TDRD9: variants seen among roughly 807,000 people sequenced by gnomAD.
The protein encoded by TDRD9 is ATP-dependent RNA helicase TDRD9.
In TDRD9, 124 loss-of-function variants were observed where a neutral mutation model predicts 172.6. That is an observed-to-expected ratio of 0.72 (90% confidence interval 0.62 to 0.83). The LOEUF is 0.83. Among genes scored for constraint, TDRD9 ranks in the 40% least tolerant of loss-of-function variants. TDRD9 has a pLI of 0.00. For missense variants in TDRD9, 1,479 were observed against 1,714.1 expected, an observed-to-expected ratio of 0.86 and a Z score of 2.42; for synonymous variants, 619 against 617.1, an observed-to-expected ratio of 1.00 and a Z score of -0.05.
At chr14:103,940,739 A>G in intron 1 of TDRD9, 1 of 1,090,808 alleles carries the variant, frequency 9.2e-7, no homozygotes, top group Non-Finnish European at 1.3e-6. Flanking sequence ...AAGTCACATC[A>G]CTTTTTCTTA....
rs2033037502 is a variant in TDRD9, at chr14:103,971,637, C to T, written c.846+1016C>T. 1.3e-5 allele frequency among the ~76,000 whole-genome samples: 2 copies of T among 152,092 alleles called. 1 individual carries two copies. The highest frequency in any genetic ancestry group is 4.8e-5 in the African/African-American group (2 of 41,396). On this transcript the variant is annotated intron_variant, in intron 6 of 35. Transcript: ENST00000409874. ...TGTATTTTAACAGAAACATTTGAAA[C>T]TGATGACGCTTAAAATTCATGATCA...
chr14:104,037,025 G>A (rs1011411150), intron 32 of TDRD9, among the ~76,000 whole-genome samples: 1 of 151,966 alleles, frequency 6.6e-6, no homozygotes, highest in African/African-American at 2.4e-5. Context: ...TGTCTCTAAG[G>A]TTGGAGTTTT....
intron 6 of TDRD9, among the ~76,000 whole-genome samples, chr14:103,974,129 G>A (rs1299019508): frequency 1.3e-5 from 2 of 152,214 alleles, no homozygotes; most frequent in African/African-American, 4.8e-5. Context: ...TGAAGCCCAG[G>A]AGGCTGAGGT....
chr14:103,983,551 A>G (rs1305312341), intron 7 of TDRD9, among the ~76,000 whole-genome samples: 1 of 152,192 alleles, frequency 6.6e-6, no homozygotes, highest in Non-Finnish European at 1.5e-5. Context: ...ATTAATTAAA[A>G]AAGCTTCTTA....
chr14:104,004,782 C>T (rs1423834871), intron 14 of TDRD9, among the ~76,000 whole-genome samples: 7 of 152,186 alleles, frequency 4.6e-5, no homozygotes, highest in Non-Finnish European at 7.3e-5. Context: ...CTATTGATTA[C>T]ACATCAGGCT....
intron 12 of TDRD9, 126 bp downstream of exon 12, chr14:103,995,933 A>C: frequency 3.5e-6 from 3 of 847,012 alleles, no homozygotes; most frequent in Non-Finnish European, 3.5e-6. Flanking sequence ...CACAGAATTG[A>C]GAAAAGTAGG....
chr14:104,018,134 C>T lies in TDRD9; in HGVS notation c.2374C>T (p.Leu792=). Residue 792 remains leucine, a synonymous_variant, in exon 23 of 36, where the codon CTA becomes TTA. Coordinates refer to ENST00000409874, the MANE Select transcript of TDRD9 (RefSeq NM_153046.3). ...PPYGFLYYKQ[L]QSLFRQCGQV... Reference sequence around the variant, plus strand: ...CTATGGATTTCTTTACTATAAACAACTACAGTCTCTCTTTAGACAGTGTGG... The same window carrying T: ...CTATGGATTTCTTTACTATAAACAATTACAGTCTCTCTTTAGACAGTGTGG... 1.9e-6 allele frequency: 3 copies of T among 1,608,898 alleles called. No homozygotes were observed. The highest frequency in any genetic ancestry group is 2.5e-6 in the Non-Finnish European group (3 of 1,176,592).
At chr14:103,979,467 C>T (rs774873053) in intron 7 of TDRD9, among the ~76,000 whole-genome samples, 13 of 152,220 alleles carry the variant, frequency 8.5e-5, no homozygotes, top group Non-Finnish European at 1.8e-4. Flanking sequence ...GCAGAGATCA[C>T]ATGGTGAGAC....
rs545226682 is a variant in TDRD9, at chr14:104,002,854, C to T, written c.1484-1384C>T. Among the ~76,000 whole-genome samples, 6 of 152,000 alleles carry T rather than the reference C, an allele frequency of 3.9e-5. No individual in the cohort carries two copies. In the South Asian group the frequency reaches 1.2e-3, roughly 32 times the overall value. ...TCAAGCAGTTCTCTGCTTCAGCCTCCCAGGTAGCTGGGACTACAGGCGCGC... is the reference window on the plus strand; with the variant it reads ...TCAAGCAGTTCTCTGCTTCAGCCTCTCAGGTAGCTGGGACTACAGGCGCGC... On this transcript the variant is annotated intron_variant, in intron 13 of 35. Coordinates refer to ENST00000409874, the MANE Select transcript of TDRD9 (RefSeq NM_153046.3).
chr14:104,006,588 G>A (rs1453816196), intron 16 of TDRD9, 34 bp downstream of exon 16: 7 of 1,611,924 alleles, frequency 4.3e-6, no homozygotes, highest in Non-Finnish European at 5.9e-6. Context: ...CTAATGGGAA[G>A]TTTATATAAC....
chr14:103,970,415 C>G (rs917540533), intron 5 of TDRD9, 126 bp from the exon 6 acceptor site: 6 of 674,052 alleles, frequency 8.9e-6, no homozygotes, highest in Middle Eastern at 2.5e-4. Context: ...TACTAGCCCC[C>G]TGAGGAACTG....
intron 29 of TDRD9, 103 bp downstream of exon 29, chr14:104,031,366 G>A: frequency 1.0e-6 from 1 of 962,914 alleles, no homozygotes; most frequent in Non-Finnish European, 1.5e-6. Flanking sequence ...TTCTTTTCTG[G>A]CTTTTAATGC....
chr14:103,949,736 A>G (rs112403408), intron 1 of TDRD9, among the ~76,000 whole-genome samples: 3,482 of 152,190 alleles, frequency 0.023, 78 homozygotes, highest in East Asian at 0.071. Flanking sequence ...CTGGAGTGCC[A>G]TGGCAGGATC....
In TDRD9 at chr14:103,997,825, C is replaced by T. The variant is rs1036065765; in HGVS notation, c.1379-799C>T. Among the ~76,000 whole-genome samples the T allele has an allele frequency of 8.5e-5, 13 of 152,134 alleles. No individual in the cohort carries two copies. The highest frequency in any genetic ancestry group is 1.6e-4 in the Non-Finnish European group (11 of 68,012). The stretch of plus-strand genomic sequence containing the variant: ...TGGCGGGTCAAGGAGGACCTCCCAA[C>T]GGGGCTGTTGTCAGTGACCTTGACA... On this transcript the variant is annotated intron_variant, in intron 12 of 35. Coordinates refer to ENST00000409874, the MANE Select transcript of TDRD9 (RefSeq NM_153046.3). This position sits in a 1 kb window ranked among gnomAD's most constrained non-coding sequence, Gnocchi z 5.1.
In TDRD9 at chr14:103,980,407, A is replaced by AGAGAGAGAGAG. The variant is rs954023390; in HGVS notation, c.1011+4867_1011+4877dup. Among the ~76,000 whole-genome samples, 8 of 151,798 alleles carry AGAGAGAGAGAG rather than the reference A, an allele frequency of 5.3e-5. No individual in the cohort carries two copies. The highest frequency in any genetic ancestry group is 1.9e-4 in the African/African-American group (8 of 41,504). ...CCCTTCCCTGCCTGGCAGCCAAGGCAGAGAGAGAGAGGAGAGAGAGAGGGA... is the reference window on the plus strand; with the variant it reads ...CCCTTCCCTGCCTGGCAGCCAAGGCAGAGAGAGAGAGGAGAGAGAGAGGAGAGAGAGAGGGA... On this transcript the variant is annotated intron_variant, in intron 7 of 35. Transcript: ENST00000409874. This position sits in a 1 kb window ranked among gnomAD's most constrained non-coding sequence, Gnocchi z 4.5.
At position 103,977,928 on chromosome 14, in the gene TDRD9, C is replaced by T. The variant is rs528833347; in HGVS notation, c.1011+2375C>T. On this transcript the variant is annotated intron_variant, in intron 7 of 35. Coordinates refer to ENST00000409874, the MANE Select transcript of TDRD9 (RefSeq NM_153046.3). ...AGCACCATTTATTGAAGAGACTGTT[C>T]TTTCTCCAGTGAATGTTCTTGATGC... 4.6e-5 allele frequency among the ~76,000 whole-genome samples: 7 copies of T among 152,260 alleles called. No individual in the cohort carries two copies. In the South Asian group the frequency reaches 1.5e-3, roughly 32 times the overall value.
At chr14:104,018,652 C>T (rs2034864218) in intron 23 of TDRD9, among the ~76,000 whole-genome samples, 1 of 152,140 alleles carries the variant, frequency 6.6e-6, no homozygotes, top group Admixed American at 6.5e-5. Flanking sequence ...CTCAATTTGG[C>T]TCTACTTACT....
At position 103,997,925 on chromosome 14, in the gene TDRD9, C is replaced by T. The variant is rs968971472; in HGVS notation, c.1379-699C>T. Among the ~76,000 whole-genome samples the T allele has an allele frequency of 2.0e-5, 3 of 152,074 alleles. No homozygotes were observed. The highest frequency in any genetic ancestry group is 2.1e-4 in the South Asian group (1 of 4,820). ...GGATGGGAAGAAATGAACAAAGAAC[C>T]GGTGGCGGCACACAACACTCCACAG... On this transcript the variant is annotated intron_variant, in intron 12 of 35. Coordinates refer to ENST00000409874, the MANE Select transcript of TDRD9 (RefSeq NM_153046.3). This position sits in a 1 kb window ranked among gnomAD's most constrained non-coding sequence, Gnocchi z 5.1.
intron 1 of TDRD9, among the ~76,000 whole-genome samples, chr14:103,943,515 C>CTTTTT (rs71462605): frequency 7.5e-6 from 1 of 133,298 alleles, no homozygotes; most frequent in Non-Finnish European, 1.6e-5. Flanking sequence ...ACATACATTT[C>CTTTTT]TTTTTTTTTT....
Sources: gnomAD v4.1 joint callset for allele counts (sites outside exome capture counted in the v4.1 genomes callset) on GRCh38, gnomAD v4.1.1 for gene constraint, Gnocchi (gnomAD v3.1) non-coding constraint, MANE v1.5 for transcripts, NCBI Gene and HGNC (gene_info 2026-07-23, HGNC 2026-07-21) for gene names.